The following C1GALT1 variants were observed in gnomAD, a reference collection of about 807,000 sequenced individuals.
C1GALT1 encodes the protein glycoprotein-N-acetylgalactosamine 3-beta-galactosyltransferase 1.
C1GALT1 carries 11 observed loss-of-function variants against 31.0 expected under a neutral mutation model. The ratio of observed to expected loss-of-function variants is 0.36; its 90% CI spans 0.22 to 0.59. The LOEUF (loss-of-function observed/expected upper bound fraction) is 0.59, where lower values mean the gene tolerates loss of function less well. Among genes scored for constraint, C1GALT1 ranks in the 20% least tolerant of loss-of-function variants. The pLI is 0.79. For synonymous variants in C1GALT1, 175 were observed against 143.6 expected (o/e 1.22, Z -1.56); for missense variants, 424 against 425.2 (o/e 1.00, Z 0.03).
chr7:7,237,324 CTG>C (rs1554297384), intron 2 of C1GALT1, among the ~76,000 whole-genome samples: 2 of 152,204 alleles, frequency 1.3e-5, no homozygotes, highest in Non-Finnish European at 2.9e-5. Context: ...ACTTTGTCAG[CTG>C]TTTGTCTGCA....
At chr7:7,189,211 C>A (rs1014232716) in intron 1 of C1GALT1, among the ~76,000 whole-genome samples, 4 of 152,080 alleles carry the variant, frequency 2.6e-5, no homozygotes, top group African/African-American at 9.7e-5. Flanking sequence ...GGTTCCTCAT[C>A]AACAGACAGA....
chr7:7,219,009 A>G (rs187999133), intron 1 of C1GALT1, among the ~76,000 whole-genome samples: 3 of 149,698 alleles, frequency 2.0e-5, no homozygotes, highest in Non-Finnish European at 4.5e-5. Context: ...AATTTTTTGT[A>G]TTTTTTTTTA....
At chr7:7,181,823 C>T (rs1780594900), upstream of C1GALT1, among the ~76,000 whole-genome samples, 1 of 152,148 alleles carries the variant, frequency 6.6e-6, no homozygotes, top group Non-Finnish European at 1.5e-5. Flanking sequence ...CTAAACCTTA[C>T]CCTCACCTCA....
chr7:7,208,976 T>C (rs901531796), intron 1 of C1GALT1, among the ~76,000 whole-genome samples: 2 of 152,220 alleles, frequency 1.3e-5, no homozygotes, highest in Middle Eastern at 3.2e-3. Flanking sequence ...TTGTATGAGA[T>C]AGATTCTACC....
chr7:7,227,798 C>T (rs55881097), intron 1 of C1GALT1, among the ~76,000 whole-genome samples: 3 of 152,086 alleles, frequency 2.0e-5, no homozygotes, highest in Non-Finnish European at 4.4e-5. Flanking sequence ...ATGTGATGCT[C>T]TGTGCCACCT....
rs775586138 is a variant in C1GALT1, at chr7:7,234,436, T to G, written c.117T>G (p.Pro39=). 6.2e-7 allele frequency: 1 copy of G among 1,613,916 alleles called. No individual in the cohort carries two copies. The highest frequency in any genetic ancestry group is 1.7e-5 in the Admixed American group (1 of 60,028). ...ILLGEKVDTQ[P]NVLHNDPHAR... ...TGGGAGAAAAGGTTGACACCCAGCC[T>G]AATGTTCTTCATAATGATCCTCATG... Residue 39 remains proline (P), a synonymous_variant, in exon 2 of 4, where the codon CCT becomes CCG. Coordinates refer to ENST00000436587, the MANE Select transcript of C1GALT1 (RefSeq NM_020156.5).
At chr7:7,159,737 T>TA (rs1780313946) in intron 2 of C1GALT1, among the ~76,000 whole-genome samples, 1 of 152,134 alleles carries the variant, frequency 6.6e-6, no homozygotes, top group Non-Finnish European at 1.5e-5. Context: ...TTAGCAAAGT[T>TA]AAAAAAATTC....
Position 7,187,642 on chromosome 7 carries a change from A to G in C1GALT1, c.-18+4822A>G, listed in dbSNP as rs547452388. On this transcript the variant is annotated intron_variant, in intron 1 of 3. Transcript: ENST00000436587. ...CAGAGGACCGGACGGCTTCCACAAC[A>G]GAGAGTTATCCAGCTCTTAATGTCA... 5.3e-4 allele frequency among the ~76,000 whole-genome samples: 80 copies of G among 152,264 alleles called. 2 individuals carry two copies. The Middle Eastern group carries it at 0.01, about 19-fold the overall frequency.
chr7:7,171,446 T>G (rs1780453600), intron 2 of C1GALT1, among the ~76,000 whole-genome samples: 1 of 152,160 alleles, frequency 6.6e-6, no homozygotes, highest in Admixed American at 6.5e-5. Flanking sequence ...TGGTTACTAT[T>G]TGGATGTAAT....
intron 1 of C1GALT1, among the ~76,000 whole-genome samples, chr7:7,226,602 A>T (rs117662624): frequency 2.8e-4 from 43 of 152,220 alleles, no homozygotes; most frequent in Non-Finnish European, 4.0e-4. Flanking sequence ...AATATTTACA[A>T]AGTTCTTAGG....
intron 1 of C1GALT1, among the ~76,000 whole-genome samples, chr7:7,213,963 G>A (rs1782120961): frequency 6.6e-6 from 1 of 152,282 alleles, no homozygotes; most frequent in Middle Eastern, 3.4e-3. Context: ...GGCTTATTTT[G>A]TAATCAGTCC....
At chr7:7,197,254 A>G (rs925983389) in intron 1 of C1GALT1, among the ~76,000 whole-genome samples, 3 of 151,114 alleles carry the variant, frequency 2.0e-5, no homozygotes, top group African/African-American at 7.4e-5. Context: ...TCAGCTTTCT[A>G]CATATGGCTA....
chr7:7,218,216 G>T (rs1782339604), intron 1 of C1GALT1, among the ~76,000 whole-genome samples: 2 of 152,166 alleles, frequency 1.3e-5, no homozygotes, highest in Non-Finnish European at 2.9e-5. Flanking sequence ...AAAATGGTCA[G>T]TCATCTGTAT....
intron 2 of C1GALT1, among the ~76,000 whole-genome samples, chr7:7,169,806 T>C (rs78301897): frequency 2.6e-3 from 392 of 152,328 alleles, no homozygotes; most frequent in African/African-American, 9.1e-3. Context: ...GAAGGGATAT[T>C]GGTGTGCACT....
intron 1 of C1GALT1, among the ~76,000 whole-genome samples, chr7:7,227,792 G>A: frequency 6.6e-6 from 1 of 152,032 alleles, no homozygotes; most frequent in Admixed American, 6.5e-5. Context: ...CATGCCATGT[G>A]ATGCTCTGTG....
At chr7:7,187,084 G>A (rs772379467) in intron 1 of C1GALT1, among the ~76,000 whole-genome samples, 1 of 152,158 alleles carries the variant, frequency 6.6e-6, no homozygotes, top group Non-Finnish European at 1.5e-5. Flanking sequence ...AAGACAGAGA[G>A]GTTGCTCAGA....
intron 1 of C1GALT1, among the ~76,000 whole-genome samples, chr7:7,194,221 G>A (rs542296709): frequency 6.6e-6 from 1 of 152,190 alleles, no homozygotes; most frequent in East Asian, 1.9e-4. Context: ...TTGAATAGAA[G>A]TAGTGAGACT....
chr7:7,194,235 C>T (rs1781192593), intron 1 of C1GALT1, among the ~76,000 whole-genome samples: 1 of 152,128 alleles, frequency 6.6e-6, no homozygotes, highest in Admixed American at 6.5e-5. Flanking sequence ...TGAGACTGGG[C>T]ATCCCTGTCT....
At chr7:7,175,892 G>T (rs546119197) in intron 2 of C1GALT1, among the ~76,000 whole-genome samples, 1 of 151,986 alleles carries the variant, frequency 6.6e-6, no homozygotes, top group Admixed American at 6.6e-5. Context: ...TTCTTGGAAG[G>T]GCACCAGGTC....
Sources: gnomAD v4.1 joint callset for allele counts (sites outside exome capture counted in the v4.1 genomes callset) on GRCh38, gnomAD v4.1.1 for gene constraint, MANE v1.5 for transcripts, NCBI Gene and HGNC (gene_info 2026-07-23, HGNC 2026-07-21) for gene names.